POLR1A: variants seen among roughly 807,000 people sequenced by gnomAD.
POLR1A encodes RNA polymerase I subunit A.
POLR1A carries 84 observed loss-of-function variants against 205.3 expected under a neutral mutation model. The observed-to-expected ratio is 0.41, with a 90% CI of 0.34 to 0.49. The LOEUF (loss-of-function observed/expected upper bound fraction) is 0.49, where lower values mean the gene tolerates loss of function less well. Among genes scored for constraint, POLR1A ranks in the 20% least tolerant of loss-of-function variants. The pLI is 0.22. For synonymous variants in POLR1A, 799 were observed against 863.7 expected (o/e 0.93, Z 1.31); for missense variants, 1,645 against 2,204.5 (o/e 0.75, Z 5.08).
intron 8 of POLR1A, among the ~76,000 whole-genome samples, chr2:86,081,268 T>C (rs959827621): frequency 7.2e-5 from 11 of 152,018 alleles, no homozygotes; most frequent in African/African-American, 2.7e-4. Flanking sequence ...TGGTGGTGCG[T>C]GCCTGTAATC....
chr2:86,080,060 G>A (rs1673371489), intron 9 of POLR1A, among the ~76,000 whole-genome samples: 1 of 152,158 alleles, frequency 6.6e-6, no homozygotes, highest in Non-Finnish European at 1.5e-5. Context: ...CACCATAAGT[G>A]TCCAAGAGAC....
At chr2:86,038,263 C>G (rs768961806) in intron 27 of POLR1A, among the ~76,000 whole-genome samples, 2 of 152,224 alleles carry the variant, frequency 1.3e-5, no homozygotes, top group Non-Finnish European at 2.9e-5. Context: ...GCACATTGTT[C>G]ATTATTCACA....
chr2:86,065,597 T>A (rs1396681901), intron 13 of POLR1A, 132 bp from the exon 14 acceptor site: 6 of 716,756 alleles, frequency 8.4e-6, no homozygotes, highest in Middle Eastern at 2.4e-4. Context: ...CTTGCCCACA[T>A]CCTCACTATG....
rs1260999088 is a variant in POLR1A at position 86,054,210 on chromosome 2, C to G, written c.2138G>C (p.Gly713Ala). 1 of 1,613,936 alleles carries G rather than the reference C, an allele frequency of 6.2e-7. No individual in the cohort carries two copies. Among genetic ancestry groups the G allele is most frequent in the Non-Finnish European group, 8.5e-7 (1 of 1,179,856 alleles). Reference protein sequence around the residue: ...LNLSGKAKITGKAWVKETPRS... With the variant: ...LNLSGKAKITAKAWVKETPRS... ...AGGAGTTTCCTTCACCCAGGCTTTCCCAGTGATTTTCGCCTTTCCAGATAA... is the reference window on the plus strand; with the variant it reads ...AGGAGTTTCCTTCACCCAGGCTTTCGCAGTGATTTTCGCCTTTCCAGATAA... The change falls in exon 15 of 34, where the codon GGG becomes GCG. Residue 713 changes from glycine (G) to alanine (A), a missense_variant. Physicochemically the swap from Gly to Ala is moderately conservative, Grantham distance 60. Transcript: ENST00000263857.
intron 3 of POLR1A, among the ~76,000 whole-genome samples, chr2:86,097,244 C>G (rs1291203199): frequency 3.4e-4 from 14 of 40,674 alleles, no homozygotes; most frequent in Non-Finnish European, 6.7e-4. Flanking sequence ...AAAAAAAAAG[C>G]AAATGCTGGT....
At chr2:86,036,454 T>A (rs1415564423) in intron 27 of POLR1A, among the ~76,000 whole-genome samples, 1 of 150,104 alleles carries the variant, frequency 6.7e-6, no homozygotes, top group African/African-American at 2.5e-5. Flanking sequence ...GTCTCATGAC[T>A]CCACAGCTGG....
At chr2:86,040,294 C>T (rs925663022) in intron 25 of POLR1A, 98 bp downstream of exon 25, 2 of 954,812 alleles carry the variant, frequency 2.1e-6, no homozygotes, top group Non-Finnish European at 2.9e-6. Context: ...GACACACTCT[C>T]TCATTCACAC....
intron 13 of POLR1A, among the ~76,000 whole-genome samples, chr2:86,069,147 T>C (rs1008596676): frequency 1.3e-5 from 2 of 152,250 alleles, no homozygotes; most frequent in African/African-American, 4.8e-5. Flanking sequence ...CTCTGCACAG[T>C]GTATGGCACT....
chr2:86,065,242 G>A (rs1673065980), intron 14 of POLR1A, 32 bp downstream of exon 14: 2 of 1,590,342 alleles, frequency 1.3e-6, no homozygotes, highest in African/African-American at 2.7e-5. Flanking sequence ...ATTTCCTTTT[G>A]TTACATACAC....
At chr2:86,050,609 A>G (rs752906718) in intron 16 of POLR1A, among the ~76,000 whole-genome samples, 3 of 152,176 alleles carry the variant, frequency 2.0e-5, no homozygotes, top group Non-Finnish European at 4.4e-5. Flanking sequence ...CACTCAAGGG[A>G]CCAACTGCTC....
Position 86,105,873 on chromosome 2 carries a change from T to C in POLR1A, c.-97A>G. The C allele has an allele frequency of 8.7e-7, 1 of 1,145,146 alleles. No individual in the cohort carries two copies. The highest frequency in any genetic ancestry group is 1.3e-6 in the Non-Finnish European group (1 of 777,436). The allele number at this position is 1,145,146 out of a possible 1,614,324, so 70.9% of individuals were successfully genotyped here. A position where few individuals can be genotyped will look rare whatever the true frequency, so the allele number is the denominator to read the frequency against. ...CCTCAAGCCCGGAGTCACCACGCGATTCAACGTGCGCTTGCGCGCGGAAGC... is the reference window on the plus strand; with the variant it reads ...CCTCAAGCCCGGAGTCACCACGCGACTCAACGTGCGCTTGCGCGCGGAAGC... On this transcript the variant is annotated 5_prime_UTR_variant, in exon 1 of 34. Coordinates refer to ENST00000263857, the MANE Select transcript of POLR1A (RefSeq NM_015425.6).
Position 86,048,985 on chromosome 2 carries a change from T to C in POLR1A, c.2533A>G (p.Lys845Glu). ...EAASYDEVRG[K>E]WQDAHLGKDQ... ...TTGCCCAGATGGGCATCCTGCCATT[T>C]TCCTCGGACCTCATCATATGATGCG... Residue 845 changes from lysine (K) to glutamate (E), a missense_variant, in exon 18 of 34, where the codon AAA (lysine) becomes GAA (glutamate). Transcript: ENST00000263857. 2 of 1,614,208 alleles carry C rather than the reference T, an allele frequency of 1.2e-6. No homozygotes were observed. The highest frequency in any genetic ancestry group is 8.5e-7 in the Non-Finnish European group (1 of 1,179,986).
At chr2:86,057,008 C>A (rs763685604) in intron 14 of POLR1A, among the ~76,000 whole-genome samples, 1 of 152,160 alleles carries the variant, frequency 6.6e-6, no homozygotes, top group Non-Finnish European at 1.5e-5. Flanking sequence ...GACTTTCAAG[C>A]CTTATTATTT....
At chr2:86,083,194 T>G in intron 6 of POLR1A, 26 bp from the exon 7 acceptor site, 1 of 1,529,020 alleles carries the variant, frequency 6.5e-7, no homozygotes, top group Admixed American at 1.7e-5. Flanking sequence ...AGAATCAAAG[T>G]GCAATAAATC....
At chr2:86,061,680 T>C (rs973151180) in intron 14 of POLR1A, among the ~76,000 whole-genome samples, 5 of 152,142 alleles carry the variant, frequency 3.3e-5, no homozygotes, top group Non-Finnish European at 7.4e-5. Context: ...ATTCACATAA[T>C]AGAACATTAT....
At chr2:86,091,730 A>G (rs1157880494) in intron 3 of POLR1A, among the ~76,000 whole-genome samples, 2 of 152,256 alleles carry the variant, frequency 1.3e-5, no homozygotes, top group African/African-American at 4.8e-5. Flanking sequence ...CTGGTTTAAG[A>G]AAATCCTTTC....
intron 24 of POLR1A, 115 bp from the exon 25 acceptor site, chr2:86,040,674 A>C: frequency 1.2e-6 from 1 of 811,868 alleles, no homozygotes; most frequent in Non-Finnish European, 1.8e-6. Context: ...CTCTTTCTGG[A>C]CTCGTTTTTC....
intron 14 of POLR1A, among the ~76,000 whole-genome samples, chr2:86,054,818 G>A (rs1393537577): frequency 6.6e-6 from 1 of 152,196 alleles, no homozygotes; most frequent in Non-Finnish European, 1.5e-5. Flanking sequence ...GAGCTCAAAG[G>A]GAGACAGCTT....
chr2:86,081,850 A>C, intron 7 of POLR1A, 144 bp from the exon 8 acceptor site: 1 of 612,390 alleles, frequency 1.6e-6, no homozygotes. Context: ...TTCTTTTTTG[A>C]GAAAAGGTCT....
Sources: gnomAD v4.1 joint callset for allele counts (sites outside exome capture counted in the v4.1 genomes callset) on GRCh38, gnomAD v4.1.1 for gene constraint, MANE v1.5 for transcripts, NCBI Gene and HGNC (gene_info 2026-07-23, HGNC 2026-07-21) for gene names.